The following ATXN1 variants were observed in gnomAD, a reference collection of about 807,000 sequenced individuals.
The protein encoded by ATXN1 is ataxin-1.
Under a neutral mutation model 56.4 loss-of-function variants are expected in ATXN1, and 8 were observed. The ratio of observed to expected loss-of-function variants is 0.14; its 90% confidence interval spans 0.08 to 0.26. The LOEUF (loss-of-function observed/expected upper bound fraction) is 0.26, where lower values mean the gene tolerates loss of function less well. Among genes scored for constraint, ATXN1 ranks in the 10% least tolerant of loss-of-function variants. The pLI, the probability that ATXN1 is intolerant of heterozygous loss-of-function variation, is 1.00. For synonymous variants in ATXN1, 514 were observed against 494.6 expected, an observed-to-expected ratio of 1.04 and a Z score of -0.52; for missense variants, 987 against 1,106.5, an observed-to-expected ratio of 0.89 and a Z score of 1.53.
At chr6:16,551,253 A>G (rs1345284819) in intron 4 of ATXN1, among the ~76,000 whole-genome samples, 1 of 152,178 alleles carries the variant, frequency 6.6e-6, no homozygotes, top group Admixed American at 6.5e-5. Context: ...CCCTTAGAAC[A>G]CATAAAGGAA....
intron 2 of ATXN1, among the ~76,000 whole-genome samples, chr6:16,730,506 T>A (rs544911518): frequency 1.7e-4 from 25 of 147,128 alleles, no homozygotes; most frequent in East Asian, 3.9e-4. Context: ...TATATATATA[T>A]AAATGTATTT....
At position 16,587,069 on chromosome 6, in the gene ATXN1, T is replaced by C. The variant is rs112631519; in HGVS notation, c.-488-1162A>G. 2.0e-3 allele frequency among the ~76,000 whole-genome samples: 305 copies of C among 152,258 alleles called. 1 individual carries two copies. The highest frequency in any genetic ancestry group is 0.01 in the Middle Eastern group (3 of 294). On this transcript the variant is annotated intron_variant, in intron 3 of 7. Coordinates refer to ENST00000436367, the MANE Select transcript of ATXN1 (RefSeq NM_001128164.2). ...TCACCTCATTTTTCCCAGAGGGTTA[T>C]GTCACCTAGTCTTAAAATTACTATT...
chr6:16,467,694 T>C (rs1290545150), intron 6 of ATXN1, among the ~76,000 whole-genome samples: 2 of 152,248 alleles, frequency 1.3e-5, no homozygotes, highest in African/African-American at 4.8e-5. Context: ...CTGTAGTTCA[T>C]TATTTCAGCA....
intron 2 of ATXN1, among the ~76,000 whole-genome samples, chr6:16,719,763 C>T (rs958208818): frequency 6.6e-6 from 1 of 152,100 alleles, no homozygotes; most frequent in African/African-American, 2.4e-5. Context: ...CTGGTACAGA[C>T]ACAGAGGAGA....
chr6:16,410,209 A>C lies in ATXN1; in HGVS notation c.-161+75763T>G, dbSNP rs1232319518. Among the ~76,000 whole-genome samples the C allele has an allele frequency of 6.6e-6, 1 of 152,164 alleles. No individual in the cohort carries two copies. Among genetic ancestry groups the C allele is most frequent in the East Asian group, 1.9e-4 (1 of 5,196 alleles). ...CATCTAGCGGCCCTCCTTCCCCCTT[A>C]CTATGACTTCCAATTTTGAAATACT... On this transcript the variant is annotated intron_variant, in intron 6 of 7. Transcript: ENST00000436367. This position sits in a 1 kb window ranked among gnomAD's most constrained non-coding sequence, Gnocchi z 4.6.
chr6:16,592,357 A>C (rs1757689), intron 3 of ATXN1, among the ~76,000 whole-genome samples: 151,434 of 152,268 alleles, frequency 0.99, 75,304 homozygotes, highest in East Asian at 1. Context: ...AACCTTTGAA[A>C]AGGTGAGGGC....
At chr6:16,631,571 G>A (rs1763503783) in intron 3 of ATXN1, among the ~76,000 whole-genome samples, 1 of 152,152 alleles carries the variant, frequency 6.6e-6, no homozygotes, top group African/African-American at 2.4e-5. Flanking sequence ...TGCCCCAGAA[G>A]TCTCACTGAA....
intron 3 of ATXN1, among the ~76,000 whole-genome samples, chr6:16,648,990 T>A (rs566211272): frequency 8.6e-5 from 13 of 151,612 alleles, no homozygotes; most frequent in Non-Finnish European, 1.6e-4. Flanking sequence ...TAAAATAATA[T>A]ATAGTATTAA....
At chr6:16,686,189 A>G (rs1233168953) in intron 2 of ATXN1, among the ~76,000 whole-genome samples, 1 of 152,254 alleles carries the variant, frequency 6.6e-6, no homozygotes, top group Non-Finnish European at 1.5e-5. Context: ...ATACCTTGTT[A>G]CACAGATTAT....
At position 16,327,318 on chromosome 6, in the gene ATXN1, G is replaced by C. The variant is rs1325985795; in HGVS notation, c.993C>G (p.Ser331Arg). 1 of 1,613,126 alleles carries C rather than the reference G, an allele frequency of 6.2e-7. No individual in the cohort carries two copies. The highest frequency in any genetic ancestry group is 1.7e-5 in the Admixed American group (1 of 60,036). The change falls in exon 7 of 8, where the codon AGC (serine) becomes AGG (arginine). Residue 331 changes from serine to arginine, a missense_variant. By Grantham distance (110) the Ser-to-Arg change is moderately radical. Transcript: ENST00000436367. ...KEVLNGEMEK[S>R]RRYGAPSSAD... ...CTGAGGACGGGGCCCCGTACCGCCG[G>C]CTCTTCTCCATCTCACCGTTCAGGA...
rs1245253179 is a variant in ATXN1, at chr6:16,628,258, T to C, written c.-489+29518A>G. Among the ~76,000 whole-genome samples the C allele has an allele frequency of 2.6e-5, 4 of 151,988 alleles. No individual in the cohort carries two copies. In the East Asian group the frequency reaches 5.8e-4, roughly 22 times the overall value. On this transcript the variant is annotated intron_variant, in intron 3 of 7. Transcript: ENST00000436367. ...GAATTTTTGGTTTTGATTTTTGGTT[T>C]ATTTGTTTGTTTTGTTTTGTTTCCC...
In ATXN1 at chr6:16,562,462, A is replaced by AAAC. The variant is rs776153676; in HGVS notation, c.-361+23317_-361+23318insGTT. ...AAAAGAAAAGAAAGAAAAGGAGAGGAGAGGAGAGGAGAGGAGAGGAGAGGA... is the reference window on the plus strand; with the variant it reads ...AAAAGAAAAGAAAGAAAAGGAGAGGAAACGAGGAGAGGAGAGGAGAGGAGAGGA... On this transcript the variant is annotated intron_variant, in intron 4 of 7. Coordinates refer to ENST00000436367, the MANE Select transcript of ATXN1 (RefSeq NM_001128164.2). Among the ~76,000 whole-genome samples, 476 of 143,222 alleles carry AAAC rather than the reference A, an allele frequency of 3.3e-3. 1 individual carries two copies. The highest frequency in any genetic ancestry group is 0.016 in the South Asian group (70 of 4,352). The allele number at this position is 143,222 out of a possible 152,430, so 94.0% of individuals were successfully genotyped here. A position where few individuals can be genotyped will look rare whatever the true frequency, so the allele number is the denominator to read the frequency against.
chr6:16,644,810 A>AGGTGTC (rs1763773826), intron 3 of ATXN1, among the ~76,000 whole-genome samples: 1 of 152,118 alleles, frequency 6.6e-6, no homozygotes, highest in African/African-American at 2.4e-5. Context: ...CAAAGTGAGC[A>AGGTGTC]CAGCTGCAGG....
At chr6:16,387,676 T>A (rs942810751) in intron 6 of ATXN1, among the ~76,000 whole-genome samples, 8 of 152,348 alleles carry the variant, frequency 5.3e-5, no homozygotes, top group African/African-American at 1.9e-4. Context: ...TGCTTCGTTA[T>A]GAAACACTGC....
At chr6:16,431,069 G>A (rs1268351549) in intron 6 of ATXN1, among the ~76,000 whole-genome samples, 5 of 152,060 alleles carry the variant, frequency 3.3e-5, no homozygotes, top group African/African-American at 1.2e-4. Context: ...GTATCAGAGA[G>A]CAGCCCGCCT....
At chr6:16,666,518 T>C (rs1758427132) in intron 2 of ATXN1, 1 of 154,792 alleles carries the variant, frequency 6.5e-6, no homozygotes, top group African/African-American at 2.4e-5. Context: ...TTTTCTTTCT[T>C]TCTTTTTTTT....
intron 5 of ATXN1, among the ~76,000 whole-genome samples, chr6:16,509,650 TGGAATG>T (rs1761042458): frequency 6.6e-6 from 1 of 152,158 alleles, no homozygotes; most frequent in African/African-American, 2.4e-5. Context: ...CTCCTTCTCT[TGGAATG>T]GGCTGTCACT....
chr6:16,521,490 G>A (rs959163402), intron 5 of ATXN1, among the ~76,000 whole-genome samples: 21 of 152,184 alleles, frequency 1.4e-4, no homozygotes, highest in Non-Finnish European at 2.6e-4. Context: ...CCCGGGAGGC[G>A]GAGCTTGCAG....
chr6:16,555,922 T>C (rs546766856), intron 4 of ATXN1, among the ~76,000 whole-genome samples: 1 of 152,232 alleles, frequency 6.6e-6, no homozygotes, highest in Non-Finnish European at 1.5e-5. Context: ...ACTAGAGTAA[T>C]GTCAGGTTTG....
Sources: allele counts gnomAD v4.1 joint callset (sites outside exome capture counted in the v4.1 genomes callset), GRCh38; gene constraint gnomAD v4.1.1; non-coding constraint Gnocchi (gnomAD v3.1); transcripts MANE v1.5; gene names NCBI Gene and HGNC (gene_info 2026-07-23, HGNC 2026-07-21).